MAN1A2: variants seen among roughly 807,000 people sequenced by gnomAD.
The protein encoded by MAN1A2 is mannosyl-oligosaccharide 1,2-alpha-mannosidase IB.
MAN1A2 carries 26 observed loss-of-function variants against 75.7 expected under a neutral mutation model. The observed-to-expected ratio is 0.34, with a 90% CI of 0.25 to 0.48. The LOEUF (loss-of-function observed/expected upper bound fraction) is 0.48. MAN1A2 is among the 20% of genes least tolerant of loss of function. MAN1A2 has a pLI of 0.99. For synonymous variants in MAN1A2, 247 were observed against 264.6 expected (o/e 0.93, Z 0.65); for missense variants, 562 against 775.5 (o/e 0.72, Z 3.27).
At chr1:117,487,633 AT>A (rs1421949554) in intron 8 of MAN1A2, among the ~76,000 whole-genome samples, 1 of 152,022 alleles carries the variant, frequency 6.6e-6, no homozygotes, top group Non-Finnish European at 1.5e-5. Context: ...CGCAAAATAG[AT>A]GTTGTAATAT....
At chr1:117,466,204 C>T (rs1570766636) in intron 7 of MAN1A2, 130 bp from the exon 8 acceptor site, 5 of 574,386 alleles carry the variant, frequency 8.7e-6, no homozygotes, top group East Asian at 3.2e-5. Flanking sequence ...CCCCCTGCCC[C>T]TCCAACACAC....
At chr1:117,468,312 C>G (rs1048193697) in intron 8 of MAN1A2, among the ~76,000 whole-genome samples, 1 of 152,122 alleles carries the variant, frequency 6.6e-6, no homozygotes, top group Non-Finnish European at 1.5e-5. Context: ...TCTTCCTGTA[C>G]CCACTCTCCA....
chr1:117,470,770 T>G (rs1650125567), intron 8 of MAN1A2, among the ~76,000 whole-genome samples: 1 of 152,002 alleles, frequency 6.6e-6, no homozygotes, highest in South Asian at 2.1e-4. Context: ...ATATCAAATT[T>G]TATTATTATC....
At chr1:117,412,514 A>G (rs939254801) in intron 3 of MAN1A2, among the ~76,000 whole-genome samples, 1 of 151,130 alleles carries the variant, frequency 6.6e-6, no homozygotes, top group African/African-American at 2.4e-5. Context: ...TCATTCTTCT[A>G]TTATTTTGCT....
chr1:117,488,029 T>A (rs965998608), intron 8 of MAN1A2, among the ~76,000 whole-genome samples: 1 of 152,084 alleles, frequency 6.6e-6, no homozygotes, highest in South Asian at 2.1e-4. Flanking sequence ...GAATTTCTTG[T>A]TCTATCTGAA....
chr1:117,402,807 G>T (rs1423018371), intron 2 of MAN1A2, among the ~76,000 whole-genome samples: 2 of 151,956 alleles, frequency 1.3e-5, no homozygotes, highest in East Asian at 1.9e-4. Context: ...ATACTATGCA[G>T]ATCACCTCAT....
intron 12 of MAN1A2, among the ~76,000 whole-genome samples, chr1:117,518,933 A>G (rs1651794736): frequency 6.6e-6 from 1 of 152,068 alleles, no homozygotes; most frequent in African/African-American, 2.4e-5. Context: ...CCATATGATA[A>G]GCCATAAAAC....
intron 1 of MAN1A2, among the ~76,000 whole-genome samples, chr1:117,377,974 C>T (rs1230667237): frequency 2.0e-5 from 3 of 152,060 alleles, no homozygotes; most frequent in Admixed American, 1.3e-4. Flanking sequence ...TGGTGGTGGG[C>T]ACCTGTAGTC....
intron 6 of MAN1A2, among the ~76,000 whole-genome samples, chr1:117,446,844 T>G (rs1649250775): frequency 6.6e-6 from 1 of 152,098 alleles, no homozygotes; most frequent in African/African-American, 2.4e-5. Context: ...GTATAATTGT[T>G]TTATGCATTC....
At chr1:117,372,768 T>C (rs1313972036) in intron 1 of MAN1A2, among the ~76,000 whole-genome samples, 1 of 151,662 alleles carries the variant, frequency 6.6e-6, no homozygotes, top group Admixed American at 6.6e-5. Flanking sequence ...TTTTTAAAAC[T>C]GACATTTGTT....
chr1:117,518,687 C>T (rs1164338427), intron 12 of MAN1A2, among the ~76,000 whole-genome samples: 1 of 151,936 alleles, frequency 6.6e-6, no homozygotes, highest in Non-Finnish European at 1.5e-5. Context: ...ATTTATAAAA[C>T]AATTACTGAT....
chr1:117,423,682 A>G (rs750552140), intron 5 of MAN1A2, among the ~76,000 whole-genome samples: 9 of 152,112 alleles, frequency 5.9e-5, no homozygotes, highest in Non-Finnish European at 1.2e-4. Context: ...CCTTTAATAA[A>G]GACTTAAATT....
In MAN1A2 at chr1:117,499,551, A is replaced by G. The variant is rs762560709; in HGVS notation, c.1674A>G (p.Ala558=). ...PRYRQWGWEA[A]LAIEKYCRVN... is the part of the protein sequence containing the mutation. ...ACAGGCAGTGGGGCTGGGAAGCAGC[A>G]CTGGTAAATAAGCCAATATTCCATT... is the stretch of plus-strand genomic sequence containing the variant. The change falls in exon 11 of 13, where the codon GCA becomes GCG. Residue 558 remains alanine, a synonymous_variant. Coordinates refer to ENST00000356554, the MANE Select transcript of MAN1A2 (RefSeq NM_006699.5). 1.9e-6 allele frequency: 3 copies of G among 1,596,056 alleles called. No homozygotes were observed. The highest frequency in any genetic ancestry group is 1.7e-6 in the Non-Finnish European group (2 of 1,171,676).
chr1:117,383,989 T>G (rs1653439234), intron 1 of MAN1A2, among the ~76,000 whole-genome samples: 1 of 152,178 alleles, frequency 6.6e-6, no homozygotes, highest in Non-Finnish European at 1.5e-5. Flanking sequence ...CTTTTATTTG[T>G]GATTTTAGTT....
chr1:117,450,651 G>A (rs904165479), intron 6 of MAN1A2, among the ~76,000 whole-genome samples: 13 of 152,192 alleles, frequency 8.5e-5, no homozygotes, highest in Non-Finnish European at 1.6e-4. Context: ...CCCCTTGTGT[G>A]CAGCCTAGGG....
intron 7 of MAN1A2, among the ~76,000 whole-genome samples, chr1:117,462,659 G>T (rs956615604): frequency 6.6e-6 from 1 of 152,134 alleles, no homozygotes; most frequent in Admixed American, 6.6e-5. Context: ...GTCTGGCTCT[G>T]ATTGGTGATG....
At chr1:117,517,720 A>C (rs565270579) in intron 12 of MAN1A2, among the ~76,000 whole-genome samples, 22 of 152,100 alleles carry the variant, frequency 1.4e-4, no homozygotes, top group Admixed American at 2.0e-4. Context: ...GTGGACCCCC[A>C]AAAAAACCCT....
chr1:117,445,890 A>ATATATATATATATATATG lies in MAN1A2; in HGVS notation c.950+3574_950+3575insATATATATGTATATATAT, dbSNP rs1255354380. On this transcript the variant is annotated intron_variant, in intron 6 of 12. Coordinates refer to ENST00000356554, the MANE Select transcript of MAN1A2 (RefSeq NM_006699.5). ...TGTGTGTGTCTGTGTGTGTGTATATATATATATATGTATATATGTAAATTT... is the reference window on the plus strand; with the variant it reads ...TGTGTGTGTCTGTGTGTGTGTATATATATATATATATATATATGTATATATATGTATATATGTAAATTT... Among the ~76,000 whole-genome samples, 71 of 142,532 alleles carry ATATATATATATATATATG rather than the reference A, an allele frequency of 5.0e-4. 1 individual carries two copies. Among genetic ancestry groups the ATATATATATATATATATG allele is most frequent in the Non-Finnish European group, 9.4e-4 (61 of 64,806 alleles). 93.5% of individuals were successfully genotyped at this position (142,532 alleles called of 152,430 possible). A position where few individuals can be genotyped will look rare whatever the true frequency, so the allele number is the denominator to read the frequency against.
intron 5 of MAN1A2, among the ~76,000 whole-genome samples, chr1:117,423,786 A>G (rs1405125474): frequency 6.6e-6 from 1 of 152,102 alleles, no homozygotes; most frequent in East Asian, 1.9e-4. Flanking sequence ...AAAATTTACC[A>G]TTTTAACCAT....
Sources: allele counts gnomAD v4.1 joint callset (sites outside exome capture counted in the v4.1 genomes callset), GRCh38; gene constraint gnomAD v4.1.1; transcripts MANE v1.5; gene names NCBI Gene and HGNC (gene_info 2026-07-23, HGNC 2026-07-21).